The following ALK variants were observed in gnomAD, a reference collection of about 807,000 sequenced individuals.
The protein encoded by ALK is ALK tyrosine kinase receptor.
Under a neutral mutation model 163.1 loss-of-function variants are expected in ALK, and 74 were observed. That is an observed-to-expected ratio of 0.45 (90% CI 0.38 to 0.55). The LOEUF (loss-of-function observed/expected upper bound fraction) is 0.55. Among genes scored for constraint, ALK ranks in the 20% least tolerant of loss-of-function variants. The pLI is 0.00. For missense variants in ALK, 2,063 were observed against 2,105.3 expected, an observed-to-expected ratio of 0.98 and a Z score of 0.39; for synonymous variants, 960 against 843.2, an observed-to-expected ratio of 1.14 and a Z score of -2.40.
chr2:29,865,873 C>A (rs762988220), intron 1 of ALK, among the ~76,000 whole-genome samples: 1 of 152,080 alleles, frequency 6.6e-6, no homozygotes, highest in Non-Finnish European at 1.5e-5. Flanking sequence ...GCCAGTAAGA[C>A]AGGAGTCAGG....
At chr2:29,304,540 G>A (rs1182591899) in intron 8 of ALK, among the ~76,000 whole-genome samples, 2 of 151,122 alleles carry the variant, frequency 1.3e-5, no homozygotes, top group African/African-American at 4.9e-5. Flanking sequence ...CAGAATCTCT[G>A]GCCTGATGCC....
chr2:29,285,035 A>G (rs749859120), intron 9 of ALK, among the ~76,000 whole-genome samples: 4 of 152,300 alleles, frequency 2.6e-5, no homozygotes, highest in East Asian at 3.9e-4. Context: ...TAAGTAGCCC[A>G]TGTCTACTTA....
rs1270177853 is a variant in ALK at position 29,232,378 on chromosome 2, G to A, written c.2558C>T (p.Thr853Ile). Residue 853 changes from threonine to isoleucine, a missense_variant, in exon 15 of 29, where the codon ACA (threonine) becomes ATA (isoleucine). Thr to Ile is a moderately conservative substitution (Grantham distance 89). Coordinates refer to ENST00000389048, the MANE Select transcript of ALK (RefSeq NM_004304.5). ...GGGGRAYGAK[T>I]DTFHPERLEN... ...CAGTCTCTCTGGGTGGAACGTGTCT[G>A]TCTTGGCCCCGTAGGCCCTGCCACC... The A allele has an allele frequency of 6.2e-7, 1 of 1,614,264 alleles. No homozygotes were observed. The highest frequency in any genetic ancestry group is 1.1e-5 in the South Asian group (1 of 91,088).
chr2:29,480,648 G>A (rs1423500035), intron 4 of ALK, among the ~76,000 whole-genome samples: 1 of 152,068 alleles, frequency 6.6e-6, no homozygotes, highest in Non-Finnish European at 1.5e-5. Flanking sequence ...TCACACAGCA[G>A]TCAAGAGCAG....
chr2:29,395,710 T>G (rs570473041), intron 4 of ALK, among the ~76,000 whole-genome samples: 1 of 152,338 alleles, frequency 6.6e-6, no homozygotes, highest in African/African-American at 2.4e-5. Context: ...CCTTGTTGGA[T>G]AGCAGATCTT....
intron 1 of ALK, among the ~76,000 whole-genome samples, chr2:29,850,325 TC>T (rs1266147199): frequency 6.6e-6 from 1 of 152,136 alleles, no homozygotes; most frequent in East Asian, 1.9e-4. Flanking sequence ...CGGGGGCACT[TC>T]CGGGTGCTGG....
At chr2:29,827,585 C>T (rs985011447) in intron 1 of ALK, among the ~76,000 whole-genome samples, 2 of 152,188 alleles carry the variant, frequency 1.3e-5, no homozygotes, top group Non-Finnish European at 2.9e-5. Flanking sequence ...TAGGCTCAAA[C>T]CCTATGTGAG....
At chr2:29,800,060 G>A (rs900128364) in intron 1 of ALK, among the ~76,000 whole-genome samples, 4 of 152,216 alleles carry the variant, frequency 2.6e-5, no homozygotes, top group Non-Finnish European at 4.4e-5. Context: ...TCAGTGTGGT[G>A]CGTGCCGTGC....
At chr2:29,707,921 G>T (rs1303412703) in intron 2 of ALK, among the ~76,000 whole-genome samples, 1 of 152,130 alleles carries the variant, frequency 6.6e-6, no homozygotes, top group African/African-American at 2.4e-5. Flanking sequence ...GTGGCTGAAG[G>T]TAATACAACT....
intron 11 of ALK, among the ~76,000 whole-genome samples, chr2:29,265,061 C>A (rs914831612): frequency 2.0e-5 from 3 of 152,060 alleles, no homozygotes; most frequent in African/African-American, 7.2e-5. Flanking sequence ...GCCCTGTCAC[C>A]CAGGCTGGAG....
rs1368654731 is a variant in ALK, at chr2:29,665,894, C to T, written c.952+28956G>A. Among the ~76,000 whole-genome samples the T allele has an allele frequency of 3.3e-5, 5 of 152,186 alleles. No individual in the cohort carries two copies. In the East Asian group the frequency reaches 7.7e-4, roughly 24 times the overall value. The stretch of plus-strand genomic sequence containing the variant: ...ATTTCACTTACGTAAGATCAACCTC[C>T]TCTTGTTCCTGAGAAGTAATGAAAT... On this transcript the variant is annotated intron_variant, in intron 3 of 28. Transcript: ENST00000389048.
At chr2:29,612,015 G>A (rs1470498305) in intron 3 of ALK, among the ~76,000 whole-genome samples, 1 of 152,102 alleles carries the variant, frequency 6.6e-6, no homozygotes, top group African/African-American at 2.4e-5. Context: ...TCAATGCCAG[G>A]AACACCTTAT....
At chr2:29,200,099 T>C (rs1669120275) in intron 26 of ALK, among the ~76,000 whole-genome samples, 1 of 152,192 alleles carries the variant, frequency 6.6e-6, no homozygotes, top group Non-Finnish European at 1.5e-5. Flanking sequence ...ACAAATTGCC[T>C]GGCACATATA....
intron 2 of ALK, among the ~76,000 whole-genome samples, chr2:29,703,014 G>A (rs1020074654): frequency 5.9e-5 from 9 of 152,214 alleles, no homozygotes; most frequent in Non-Finnish European, 1.2e-4. Context: ...GAAAACTGAG[G>A]GTGGGTGGGC....
intron 2 of ALK, among the ~76,000 whole-genome samples, chr2:29,695,640 C>A (rs767753960): frequency 1.3e-5 from 2 of 152,042 alleles, no homozygotes; most frequent in Non-Finnish European, 2.9e-5. Context: ...TAACTAGAAT[C>A]TACAAAGAGC....
At chr2:29,531,794 G>T (rs899125043) in intron 4 of ALK, 121 bp downstream of exon 4, 21 of 1,044,984 alleles carry the variant, frequency 2.0e-5, no homozygotes, top group Non-Finnish European at 2.9e-5. Flanking sequence ...TGCTCAACCT[G>T]GACCTACCGA....
At position 29,783,038 on chromosome 2, in the gene ALK, C is replaced by A. The variant is rs199568533; in HGVS notation, c.668-65341G>T. 3.3e-5 allele frequency among the ~76,000 whole-genome samples: 5 copies of A among 152,214 alleles called. No individual in the cohort carries two copies. In the East Asian group the frequency reaches 7.7e-4, roughly 23 times the overall value. On this transcript the variant is annotated intron_variant, in intron 1 of 28. Coordinates refer to ENST00000389048, the MANE Select transcript of ALK (RefSeq NM_004304.5). ...AGCAGTGTTGTGTTCTGTTTCTAGG[C>A]TGTTCAAAGAAATCTGAGCCAGTGC...
At position 29,688,253 on chromosome 2, in the gene ALK, C is replaced by T. The variant is rs1423227239; in HGVS notation, c.952+6597G>A. Among the ~76,000 whole-genome samples the T allele has an allele frequency of 9.9e-5, 15 of 152,258 alleles. No individual in the cohort carries two copies. The South Asian group carries it at 2.9e-3, about 29-fold the overall frequency. Reference sequence around the variant, plus strand: ...AAGAGAGTGGACCAGGAGAACACTGCCCCAAAAATGCTCCTTAAAGGACTG... The same window carrying T: ...AAGAGAGTGGACCAGGAGAACACTGTCCCAAAAATGCTCCTTAAAGGACTG... On this transcript the variant is annotated intron_variant, in intron 3 of 28. Transcript: ENST00000389048.
chr2:29,226,888 G>T (rs2148178177), intron 18 of ALK, 34 bp downstream of exon 18: 1 of 1,613,204 alleles, frequency 6.2e-7, no homozygotes, highest in South Asian at 1.1e-5. Flanking sequence ...TCAGGCTATG[G>T]GCCCCTCTGC....
Sources: allele counts gnomAD v4.1 joint callset (sites outside exome capture counted in the v4.1 genomes callset), GRCh38; gene constraint gnomAD v4.1.1; transcripts MANE v1.5; gene names NCBI Gene and HGNC (gene_info 2026-07-23, HGNC 2026-07-21).